KCNT2: variants seen among roughly 807,000 people sequenced by gnomAD.
The protein encoded by KCNT2 is potassium channel subfamily T member 2.
A neutral mutation model predicts 153.8 loss-of-function variants in KCNT2; 67 were observed. The ratio of observed to expected loss-of-function variants is 0.44; its 90% CI spans 0.36 to 0.53. The LOEUF (loss-of-function observed/expected upper bound fraction) is 0.53, where lower values mean the gene tolerates loss of function less well. KCNT2 is among the 20% of genes least tolerant of loss of function. The pLI is 0.00. For synonymous variants in KCNT2, 500 were observed against 458.8 expected, an observed-to-expected ratio of 1.09 and a Z score of -1.15; for missense variants, 975 against 1,354.8, an observed-to-expected ratio of 0.72 and a Z score of 4.40.
chr1:196,382,218 C>T (rs776363250), intron 13 of KCNT2, among the ~76,000 whole-genome samples: 63 of 151,974 alleles, frequency 4.1e-4, no homozygotes, highest in Non-Finnish European at 7.2e-4. Flanking sequence ...CCTGCCTCAG[C>T]CTCCTGAGTA....
chr1:196,310,838 C>A (rs1316904864), intron 21 of KCNT2, among the ~76,000 whole-genome samples: 1 of 151,766 alleles, frequency 6.6e-6, no homozygotes, highest in African/African-American at 2.4e-5. Flanking sequence ...CAATGATTTC[C>A]TATTATTCTT....
intron 25 of KCNT2, chr1:196,273,333 C>A: frequency 3.3e-6 from 2 of 598,662 alleles, no homozygotes; most frequent in Non-Finnish European, 5.8e-6. Flanking sequence ...CATTTATATG[C>A]ATTTAAGTTT....
chr1:196,304,407 G>A (rs1035947253), intron 22 of KCNT2, among the ~76,000 whole-genome samples: 1 of 152,132 alleles, frequency 6.6e-6, no homozygotes, highest in Non-Finnish European at 1.5e-5. Flanking sequence ...AGGCTGGAGT[G>A]CACTGCCATG....
chr1:196,300,918 C>G (rs957105609), intron 22 of KCNT2, among the ~76,000 whole-genome samples: 5 of 152,028 alleles, frequency 3.3e-5, no homozygotes, highest in Non-Finnish European at 7.4e-5. Flanking sequence ...CTCTCAAGAT[C>G]CCTCTGACTC....
intron 7 of KCNT2, among the ~76,000 whole-genome samples, chr1:196,466,594 G>A (rs983130009): frequency 9.9e-5 from 15 of 151,970 alleles, no homozygotes; most frequent in African/African-American, 2.9e-4. Context: ...TGTTGTGCCA[G>A]ATAAAATACT....
intron 12 of KCNT2, among the ~76,000 whole-genome samples, chr1:196,417,076 GA>G (rs1174819069): frequency 6.6e-6 from 1 of 151,986 alleles, no homozygotes; most frequent in Non-Finnish European, 1.5e-5. Context: ...CATACCCACA[GA>G]AATTTTTTTT....
chr1:196,301,258 C>T (rs1661159799), intron 22 of KCNT2, among the ~76,000 whole-genome samples: 1 of 152,088 alleles, frequency 6.6e-6, no homozygotes, highest in African/African-American at 2.4e-5. Context: ...TCATTCATAC[C>T]TCCCGTCTCC....
intron 1 of KCNT2, among the ~76,000 whole-genome samples, chr1:196,553,508 G>C (rs1438645616): frequency 6.6e-6 from 1 of 150,700 alleles, no homozygotes; most frequent in Non-Finnish European, 1.5e-5. Context: ...TATTACTAGA[G>C]CTAAAGGGAG....
intron 1 of KCNT2, among the ~76,000 whole-genome samples, chr1:196,577,224 A>G (rs1661473285): frequency 6.6e-6 from 1 of 152,182 alleles, no homozygotes; most frequent in African/African-American, 2.4e-5. Flanking sequence ...CAAAACAACA[A>G]CAACAACAAA....
At chr1:196,543,140 T>C (rs985545022) in intron 1 of KCNT2, among the ~76,000 whole-genome samples, 1 of 152,196 alleles carries the variant, frequency 6.6e-6, no homozygotes. Flanking sequence ...TATTGAGCTA[T>C]AATTCTTAAA....
intron 10 of KCNT2, among the ~76,000 whole-genome samples, chr1:196,426,644 C>A (rs1360123099): frequency 6.6e-6 from 1 of 151,858 alleles, no homozygotes; most frequent in East Asian, 1.9e-4. Flanking sequence ...CATTTTACTG[C>A]TGTAAAATAT....
chr1:196,441,456 A>AATG (rs1675221744), intron 8 of KCNT2, among the ~76,000 whole-genome samples: 2 of 150,540 alleles, frequency 1.3e-5, no homozygotes, highest in Non-Finnish European at 3.0e-5. Context: ...TCTTTCACCT[A>AATG]ATGAAAGAAG....
intron 14 of KCNT2, among the ~76,000 whole-genome samples, chr1:196,371,220 CAAAAAAAA>C (rs952744388): frequency 3.6e-4 from 8 of 21,944 alleles, no homozygotes; most frequent in South Asian, 2.2e-3. Context: ...CCCGTCACTA[CAAAAAAAA>C]AAAAAAAAAA....
intron 14 of KCNT2, among the ~76,000 whole-genome samples, chr1:196,348,103 C>T (rs1481109352): frequency 1.3e-5 from 2 of 151,806 alleles, no homozygotes; most frequent in Non-Finnish European, 2.9e-5. Context: ...TGCTCAATTA[C>T]TAAATGTTCT....
chr1:196,509,218 G>A (rs1221673795), intron 1 of KCNT2, among the ~76,000 whole-genome samples: 3 of 148,348 alleles, frequency 2.0e-5, no homozygotes, highest in Admixed American at 6.8e-5. Flanking sequence ...GCAGTGAGCC[G>A]AGATAGTGCC....
chr1:196,374,928 G>A (rs1009120335), intron 13 of KCNT2, among the ~76,000 whole-genome samples: 8 of 151,858 alleles, frequency 5.3e-5, no homozygotes, highest in African/African-American at 1.7e-4. Context: ...AATTTGGAAG[G>A]TATGATTACC....
At chr1:196,323,384 T>C (rs1663524421) in intron 19 of KCNT2, among the ~76,000 whole-genome samples, 1 of 151,904 alleles carries the variant, frequency 6.6e-6, no homozygotes, top group African/African-American at 2.4e-5. Context: ...TTTCTATCTT[T>C]CACATGAGAT....
chr1:196,348,363 T>C (rs1666318426), intron 14 of KCNT2, among the ~76,000 whole-genome samples: 2 of 152,164 alleles, frequency 1.3e-5, no homozygotes, highest in African/African-American at 4.8e-5. Context: ...TCGAAAATTA[T>C]GAAAAACCAT....
At chr1:196,411,765 T>C (rs973471098) in intron 12 of KCNT2, among the ~76,000 whole-genome samples, 4 of 151,838 alleles carry the variant, frequency 2.6e-5, no homozygotes, top group African/African-American at 4.8e-5. Context: ...TATAGTTTTC[T>C]ACATAAAATA....
Sources: gnomAD v4.1 joint callset for allele counts (sites outside exome capture counted in the v4.1 genomes callset) on GRCh38, gnomAD v4.1.1 for gene constraint, MANE v1.5 for transcripts, NCBI Gene and HGNC (gene_info 2026-07-23, HGNC 2026-07-21) for gene names.